The following MEST variants were observed in gnomAD, a reference collection of about 807,000 sequenced individuals.
MEST encodes mesoderm specific transcript.
In MEST, 18 loss-of-function variants were observed where a neutral mutation model predicts 50.9. The ratio of observed to expected loss-of-function variants is 0.35; its 90% CI spans 0.24 to 0.52. The LOEUF (loss-of-function observed/expected upper bound fraction) is 0.52. Among genes scored for constraint, MEST ranks in the 20% least tolerant of loss-of-function variants. The pLI, the probability that MEST is intolerant of heterozygous loss-of-function variation, is 0.94. For synonymous variants in MEST, 130 were observed against 154.1 expected (o/e 0.84, Z 1.16); for missense variants, 282 against 425.3 (o/e 0.66, Z 2.96).
chr7:130,500,965 TGCTG>T lies in MEST; in HGVS notation c.749+79_749+82del. The T allele has an allele frequency of 7.7e-7, 1 of 1,290,952 alleles. No individual in the cohort carries two copies. The highest frequency in any genetic ancestry group is 1.1e-6 in the Non-Finnish European group (1 of 912,430). The allele number at this position is 1,290,952 out of a possible 1,614,324, so 80.0% of individuals were successfully genotyped here. A position where few individuals can be genotyped will look rare whatever the true frequency, so the allele number is the denominator to read the frequency against. ...AGTGGGGATTGCTTGTTCTGTTCCT[TGCTG>T]GCTTATTCCCTATCACAGGAAGGCT... On this transcript the variant is annotated intron_variant, in intron 9 of 11. Coordinates refer to ENST00000223215, the MANE Select transcript of MEST (RefSeq NM_002402.4). This position sits in a 1 kb window ranked among gnomAD's most constrained non-coding sequence, Gnocchi z 5.0.
In MEST at chr7:130,500,039, T is replaced by C; in HGVS notation, c.576+124T>C. The C allele has an allele frequency of 1.2e-6, 1 of 865,660 alleles. No homozygotes were observed. Among genetic ancestry groups the C allele is most frequent in the African/African-American group, 1.7e-5 (1 of 58,514 alleles). 53.6% of individuals were successfully genotyped at this position (865,660 alleles called of 1,614,324 possible). The stretch of plus-strand genomic sequence containing the variant: ...TTAAATCCTCTTCCTTGTGAATTTC[T>C]ATTAATGAAGTTACTTTTTCCCTTC... On this transcript the variant is annotated intron_variant, in intron 7 of 11. Coordinates refer to ENST00000223215, the MANE Select transcript of MEST (RefSeq NM_002402.4). This position sits in a 1 kb window ranked among gnomAD's most constrained non-coding sequence, Gnocchi z 5.0.
intron 7 of MEST, 30 bp downstream of exon 7, chr7:130,499,945 T>G (rs1297956008): frequency 6.3e-7 from 1 of 1,593,346 alleles, no homozygotes; most frequent in Non-Finnish European, 8.6e-7. Context: ...ACCTTTAGTT[T>G]TAGGATTTGT....
In MEST at chr7:130,492,419, G is replaced by A; in HGVS notation, c.26+80G>A. On this transcript the variant is annotated intron_variant, in intron 1 of 11. Transcript: ENST00000223215. The surrounding 1 kb of genome is among the most constrained non-coding windows in gnomAD (Gnocchi z 7.6). ...CAGGCGAGCGGAGGACTGTGTGCCC[G>A]TGTCCGAGCTGGGGCTGCCTCTGGG... is the stretch of plus-strand genomic sequence containing the variant. The A allele has an allele frequency of 4.3e-6, 5 of 1,164,904 alleles. No homozygotes were observed. Among genetic ancestry groups the A allele is most frequent in the Admixed American group, 8.5e-5 (2 of 23,606 alleles). 72.2% of individuals were successfully genotyped at this position (1,164,904 alleles called of 1,614,324 possible).
intron 2 of MEST, 151 bp downstream of exon 2, chr7:130,495,673 G>C (rs1400409537): frequency 1.3e-6 from 1 of 753,402 alleles, no homozygotes; most frequent in Admixed American, 3.5e-5. Flanking sequence ...GCAGAGAAGC[G>C]CAGAAAACTG....
At position 130,504,303 on chromosome 7, in the gene MEST, GTGTT is replaced by G. The variant is rs1275135876; in HGVS notation, c.890+317_890+320del. 3.9e-5 allele frequency among the ~76,000 whole-genome samples: 6 copies of G among 152,340 alleles called. No individual in the cohort carries two copies. In the East Asian group the frequency reaches 5.8e-4, roughly 15 times the overall value. On this transcript the variant is annotated intron_variant, in intron 11 of 11. Coordinates refer to ENST00000223215, the MANE Select transcript of MEST (RefSeq NM_002402.4). ...GGTTGAAAGTGGATATACCTACAAA[GTGTT>G]TGTTTGTTTTAGTCTGATTGTAAAG...
rs782529993 is a variant in MEST at position 130,500,818 on chromosome 7, G to A, written c.677G>A (p.Arg226Gln). 3.7e-6 allele frequency: 6 copies of A among 1,613,574 alleles called. No individual in the cohort carries two copies. The East Asian group carries it at 6.7e-5, about 18-fold the overall frequency. Reference protein sequence around the residue: ...GLTPVFGPYTRPSESELWDMW... With the variant: ...GLTPVFGPYTQPSESELWDMW... The stretch of plus-strand genomic sequence containing the variant: ...ACCCCAGTCTTTGGGCCGTATACTC[G>A]GCCCTCTGAGAGTGAGCTGTGGGAC... Residue 226 changes from arginine (R) to glutamine (Q), a missense_variant, in exon 9 of 12, where the codon CGG becomes CAG. Arg to Gln is a conservative substitution (Grantham distance 43). Transcript: ENST00000223215. The surrounding 1 kb of genome is among the most constrained non-coding windows in gnomAD (Gnocchi z 5.0).
At chr7:130,502,556 T>A in intron 9 of MEST, 88 bp from the exon 10 acceptor site, 1 of 942,550 alleles carries the variant, frequency 1.1e-6, no homozygotes, top group Admixed American at 2.0e-5. Flanking sequence ...AAATTGTATC[T>A]TGTGTTCCTT....
chr7:130,497,892 AGGG>A lies in MEST; in HGVS notation c.262-42_262-40del, dbSNP rs1554437447. 4.5e-6 allele frequency: 7 copies of A among 1,572,454 alleles called. No individual in the cohort carries two copies. In the Admixed American group the frequency reaches 1.2e-4, roughly 26 times the overall value. On this transcript the variant is annotated intron_variant, in intron 3 of 11. Coordinates refer to ENST00000223215, the MANE Select transcript of MEST (RefSeq NM_002402.4). The surrounding 1 kb of genome is among the most constrained non-coding windows in gnomAD (Gnocchi z 4.0). The stretch of plus-strand genomic sequence containing the variant: ...TGCAACTGTAGGTCTGGTGAAAGGG[AGGG>A]GCAGGAGCAGAAAGCCCAAATCATC...
In MEST at chr7:130,500,080, A is replaced by T. The variant is rs1799218530; in HGVS notation, c.576+165A>T. On this transcript the variant is annotated intron_variant, in intron 7 of 11. Transcript: ENST00000223215. The surrounding 1 kb of genome is among the most constrained non-coding windows in gnomAD (Gnocchi z 5.0). ...TTTTCCCTTCTTAGGCAACTAAAGCAGAGGCAGTGGCCCCTACGTAAACCC... is the reference window on the plus strand; with the variant it reads ...TTTTCCCTTCTTAGGCAACTAAAGCTGAGGCAGTGGCCCCTACGTAAACCC... The T allele has an allele frequency of 1.6e-6, 1 of 629,204 alleles. No homozygotes were observed. The highest frequency in any genetic ancestry group is 1.8e-5 in the African/African-American group (1 of 54,066). The allele number at this position is 629,204 out of a possible 1,614,324, so 39.0% of individuals were successfully genotyped here.
In MEST at chr7:130,500,419, T is replaced by C; in HGVS notation, c.577-43T>C. ...AAACCTTTTGCCCCGGTGAGGATCT[T>C]CCTCTGGGTTCTTGAGCTTTACCTC... is the stretch of plus-strand genomic sequence containing the variant. On this transcript the variant is annotated intron_variant, in intron 7 of 11. Transcript: ENST00000223215. The surrounding 1 kb of genome is among the most constrained non-coding windows in gnomAD (Gnocchi z 5.0). 1 of 1,564,418 alleles carries C rather than the reference T, an allele frequency of 6.4e-7. No homozygotes were observed. Among genetic ancestry groups the C allele is most frequent in the Non-Finnish European group, 8.8e-7 (1 of 1,139,970 alleles).
At chr7:130,486,255 C>T (rs1379150571) in exon 1 of MEST, 2 of 152,244 alleles carry the variant, frequency 1.3e-5, no homozygotes, top group Non-Finnish European at 2.9e-5. Flanking sequence ...CCTGGCGACG[C>T]TCTAGCCCCG....
In MEST at chr7:130,492,442, G is replaced by A; in HGVS notation, c.26+103G>A. On this transcript the variant is annotated intron_variant, in intron 1 of 11. Coordinates refer to ENST00000223215, the MANE Select transcript of MEST (RefSeq NM_002402.4). The surrounding 1 kb of genome is among the most constrained non-coding windows in gnomAD (Gnocchi z 7.6). ...CCGTGTCCGAGCTGGGGCTGCCTCT[G>A]GGCGAAAACTCTACCGACAGGCGGC... 1 of 1,046,604 alleles carries A rather than the reference G, an allele frequency of 9.6e-7. No homozygotes were observed. Among genetic ancestry groups the A allele is most frequent in the Non-Finnish European group, 1.2e-6 (1 of 814,366 alleles). 64.8% of individuals were successfully genotyped at this position (1,046,604 alleles called of 1,614,324 possible).
intron 2 of MEST, chr7:130,496,297 C>T (rs146999901): frequency 1.3e-3 from 513 of 398,116 alleles, no homozygotes; most frequent in Non-Finnish European, 1.9e-3. Context: ...AGCTTCATGT[C>T]CATACAGTTT....
At chr7:130,502,771 G>A (rs782558720) in intron 10 of MEST, 51 bp downstream of exon 10, 1 of 1,370,232 alleles carries the variant, frequency 7.3e-7, no homozygotes, top group African/African-American at 1.4e-5. Flanking sequence ...TAGGGTTAAA[G>A]TAATCGCAAC....
At chr7:130,498,677 GAAAC>G (rs1344030560) in intron 6 of MEST, 200 bp downstream of exon 6, 24 of 613,610 alleles carry the variant, frequency 3.9e-5, no homozygotes, top group Middle Eastern at 4.4e-4. Flanking sequence ...TTAAAATAAA[GAAAC>G]AAACAGCATT....
In MEST at chr7:130,505,557, T is replaced by C. The variant is rs1237049153; in HGVS notation, c.*501T>C. On this transcript the variant is annotated 3_prime_UTR_variant, in exon 12 of 12. Transcript: ENST00000223215. ...ACACAGAGCTGAGTCCTCTTTGTCA[T>C]ACCTTTGGATTTAGTGTTTCATCAG... The C allele has an allele frequency of 1.3e-5, 2 of 152,628 alleles. No homozygotes were observed. Among genetic ancestry groups the C allele is most frequent in the African/African-American group, 2.4e-5 (1 of 41,452 alleles). 9.5% of individuals were successfully genotyped at this position (152,628 alleles called of 1,614,324 possible).
chr7:130,498,375 T>TA, intron 5 of MEST, 44 bp from the exon 6 acceptor site: 2 of 1,612,956 alleles, frequency 1.2e-6, no homozygotes, highest in Non-Finnish European at 1.7e-6. Flanking sequence ...TGCACTGGTT[T>TA]AAGTTTGCTC....
chr7:130,503,924 C>T lies in MEST; in HGVS notation c.827-9C>T, dbSNP rs1039787193. 1 of 1,609,106 alleles carries T rather than the reference C, an allele frequency of 6.2e-7. No individual in the cohort carries two copies. Among genetic ancestry groups the T allele is most frequent in the South Asian group, 1.1e-5 (1 of 90,948 alleles). On this transcript the variant is annotated splice_polypyrimidine_tract_variant and intron_variant, in intron 10 of 11. Coordinates refer to ENST00000223215, the MANE Select transcript of MEST (RefSeq NM_002402.4). ...CTGTTAAGTATTTCATTCCTTTTCT[C>T]TTTTCTAGTTCATTTTATCTATGGG...
At position 130,495,508 on chromosome 7, in the gene MEST, G is replaced by A. The variant is rs561353737; in HGVS notation, c.167G>A (p.Arg56His). 8.1e-6 allele frequency: 13 copies of A among 1,613,876 alleles called. No individual in the cohort carries two copies. The South Asian group carries it at 9.9e-5, about 12-fold the overall frequency. ...AAGTTTTTCACTTACAAGGGACTGC[G>A]TATCTTCTACCAAGGTAAGAAGTGG... ...SGKFFTYKGL[R>H]IFYQDSVGVV... The change falls in exon 2 of 12, where the codon CGT becomes CAT. Residue 56 changes from arginine to histidine, a missense_variant. Arg to His is a conservative substitution (Grantham distance 29). Transcript: ENST00000223215.
Sources: gnomAD v4.1 joint callset for allele counts (sites outside exome capture counted in the v4.1 genomes callset) on GRCh38, gnomAD v4.1.1 for gene constraint, Gnocchi (gnomAD v3.1) non-coding constraint, MANE v1.5 for transcripts, NCBI Gene and HGNC (gene_info 2026-07-23, HGNC 2026-07-21) for gene names.